MGAT5: variants seen among roughly 807,000 people sequenced by gnomAD.
MGAT5 encodes alpha-1,6-mannosylglycoprotein 6-beta-N-acetylglucosaminyltransferase A.
A neutral mutation model predicts 94.3 loss-of-function variants in MGAT5; 30 were observed. The observed-to-expected ratio is 0.32, with a 90% CI of 0.24 to 0.43. MGAT5 has a LOEUF of 0.43. Among genes scored for constraint, MGAT5 ranks in the 20% least tolerant of loss-of-function variants. The pLI, the probability that MGAT5 is intolerant of heterozygous loss-of-function variation, is 1.00. For synonymous variants in MGAT5, 310 were observed against 322.9 expected, an observed-to-expected ratio of 0.96 and a Z score of 0.43; for missense variants, 691 against 905.5, an observed-to-expected ratio of 0.76 and a Z score of 3.04.
At chr2:134,191,669 C>CCCT (rs1049449432) in intron 1 of MGAT5, among the ~76,000 whole-genome samples, 18 of 142,700 alleles carry the variant, frequency 1.3e-4, no homozygotes, top group Non-Finnish European at 1.7e-4. Flanking sequence ...TGGGTTCTCG[C>CCCT]CCTCCTCCTC....
At chr2:134,122,914 A>G (rs1057487134) in intron 1 of MGAT5, among the ~76,000 whole-genome samples, 5 of 152,220 alleles carry the variant, frequency 3.3e-5, no homozygotes, top group Admixed American at 2.0e-4. Flanking sequence ...AGAGCAGCTC[A>G]TGGGCTTTTG....
At chr2:134,152,899 C>CT (rs35135371) in intron 1 of MGAT5, among the ~76,000 whole-genome samples, 34,316 of 115,826 alleles carry the variant, frequency 0.3, 6,326 homozygotes, top group East Asian at 0.32. Context: ...ATGGAGTCCA[C>CT]TTTTTTTTTT....
chr2:134,326,007 A>C (rs1379316881), intron 4 of MGAT5, among the ~76,000 whole-genome samples: 2 of 148,318 alleles, frequency 1.3e-5, no homozygotes, highest in Non-Finnish European at 3.0e-5. Flanking sequence ...TATATACTTG[A>C]GTTGGGAGGC....
chr2:134,266,410 G>A lies in MGAT5; in HGVS notation c.242-3976G>A, dbSNP rs569571153. On this transcript the variant is annotated intron_variant, in intron 1 of 15. Coordinates refer to ENST00000281923, the MANE Select transcript of MGAT5 (RefSeq NM_002410.5). ...TATTTTTTGTATTTTTTGGAGAGAC[G>A]GAGTTTCACCATGTTGGTCAGGCCG... Among the ~76,000 whole-genome samples, 26 of 152,118 alleles carry A rather than the reference G, an allele frequency of 1.7e-4. No individual in the cohort carries two copies. In the South Asian group the frequency reaches 3.9e-3, roughly 23 times the overall value.
At chr2:134,349,689 T>C in intron 8 of MGAT5, 116 bp from the exon 9 acceptor site, 2 of 1,155,894 alleles carry the variant, frequency 1.7e-6, no homozygotes. Flanking sequence ...CTGGTCCTGC[T>C]TCTATTTAAA....
At chr2:134,379,534 G>A (rs1051031115) in intron 10 of MGAT5, among the ~76,000 whole-genome samples, 81 of 152,206 alleles carry the variant, frequency 5.3e-4, no homozygotes, top group African/African-American at 1.9e-3. Context: ...ACCAGCAGAT[G>A]GAGGCAGCCC....
exon 1 of MGAT5, chr2:134,120,190 T>C (rs1284398043): frequency 4.2e-6 from 1 of 238,224 alleles, no homozygotes; most frequent in Non-Finnish European, 8.1e-6. Context: ...CCAGCCCAGG[T>C]AGCCGCGCCG....
At chr2:134,444,247 C>T (rs1685650876) in intron 15 of MGAT5, among the ~76,000 whole-genome samples, 1 of 152,308 alleles carries the variant, frequency 6.6e-6, no homozygotes, top group East Asian at 1.9e-4. Flanking sequence ...GATAAGCCAG[C>T]CCCAGCCCTG....
chr2:134,123,504 C>G (rs1415413831), intron 1 of MGAT5, among the ~76,000 whole-genome samples: 1 of 152,228 alleles, frequency 6.6e-6, no homozygotes, highest in Non-Finnish European at 1.5e-5. Flanking sequence ...TCTCAAGAGG[C>G]TTTAAGCGCA....
intron 1 of MGAT5, among the ~76,000 whole-genome samples, chr2:134,189,604 T>TTTTTTTTTTTTTTTTTTG (rs1689248676): frequency 7.6e-5 from 8 of 105,806 alleles, no homozygotes; most frequent in Non-Finnish European, 1.3e-4. Flanking sequence ...TTTTTTTTGT[T>TTTTTTTTTTTTTTTTTTG]TTTTTTTTTT....
At chr2:134,416,072 G>T (rs888208003) in intron 12 of MGAT5, among the ~76,000 whole-genome samples, 1 of 152,144 alleles carries the variant, frequency 6.6e-6, no homozygotes, top group African/African-American at 2.4e-5. Context: ...TGCCCAAATT[G>T]TAGATATTAA....
At chr2:134,140,797 G>A (rs1322662983) in intron 1 of MGAT5, among the ~76,000 whole-genome samples, 3 of 152,184 alleles carry the variant, frequency 2.0e-5, no homozygotes, top group Non-Finnish European at 4.4e-5. Context: ...GGGCACTACT[G>A]TTCTGATTAG....
chr2:134,448,691 C>T lies in MGAT5; in HGVS notation c.2070C>T (p.Ile690=). Residue 690 remains isoleucine (I), a synonymous_variant, in exon 16 of 16, where the codon ATC becomes ATT. Coordinates refer to ENST00000281923, the MANE Select transcript of MGAT5 (RefSeq NM_002410.5). ...TCQSSELAKD[I]LVPSFDPKNK... ...AAAGCTCAGAGCTGGCCAAGGACATCCTGGTGCCCTCCTTTGACCCTAAGA... is the reference window on the plus strand; with the variant it reads ...AAAGCTCAGAGCTGGCCAAGGACATTCTGGTGCCCTCCTTTGACCCTAAGA... The T allele has an allele frequency of 6.2e-7, 1 of 1,614,230 alleles. No individual in the cohort carries two copies. The highest frequency in any genetic ancestry group is 8.5e-7 in the Non-Finnish European group (1 of 1,180,052).
At chr2:134,130,974 A>C (rs1363130354) in intron 1 of MGAT5, among the ~76,000 whole-genome samples, 2 of 152,360 alleles carry the variant, frequency 1.3e-5, no homozygotes, top group African/African-American at 4.8e-5. Context: ...AGATAAGGGA[A>C]TAAAAGCAGG....
chr2:134,337,407 T>G (rs1688395093), intron 5 of MGAT5, among the ~76,000 whole-genome samples: 1 of 152,070 alleles, frequency 6.6e-6, no homozygotes. Flanking sequence ...GAGCGCAAGT[T>G]CAAGGCTCCA....
At chr2:134,166,083 A>G (rs907996964) in intron 1 of MGAT5, among the ~76,000 whole-genome samples, 5 of 152,208 alleles carry the variant, frequency 3.3e-5, no homozygotes, top group Non-Finnish European at 7.3e-5. Context: ...AGGTCCCTGA[A>G]GATCTAAAAC....
At chr2:134,386,566 G>A (rs1421302061) in intron 10 of MGAT5, among the ~76,000 whole-genome samples, 3 of 152,276 alleles carry the variant, frequency 2.0e-5, no homozygotes, top group Admixed American at 2.0e-4. Flanking sequence ...AGGCACTCTT[G>A]GTCCAAGATG....
chr2:134,365,987 C>A (rs867797529), intron 10 of MGAT5, among the ~76,000 whole-genome samples: 13 of 152,004 alleles, frequency 8.6e-5, no homozygotes, highest in Admixed American at 1.3e-4. Context: ...GGGAATCTTG[C>A]CGTCAGACTC....
At chr2:134,237,148 T>TGTGTGCGC (rs374914892) in intron 1 of MGAT5, among the ~76,000 whole-genome samples, 2 of 140,834 alleles carry the variant, frequency 1.4e-5, no homozygotes, top group African/African-American at 5.2e-5. Flanking sequence ...TGTGTGTGTG[T>TGTGTGCGC]GCGCGTGTGT....
Sources: allele counts gnomAD v4.1 joint callset (sites outside exome capture counted in the v4.1 genomes callset), GRCh38; gene constraint gnomAD v4.1.1; transcripts MANE v1.5; gene names NCBI Gene and HGNC (gene_info 2026-07-23, HGNC 2026-07-21).